The following NLGN4Y variants were observed in gnomAD, a reference collection of about 807,000 sequenced individuals.
The protein encoded by NLGN4Y is neuroligin-4, Y-linked.
NLGN4Y carries 4 observed loss-of-function variants against 8.4 expected under a neutral mutation model. The observed-to-expected ratio is 0.48, with a 90% CI of 0.23 to 1.09. NLGN4Y has a LOEUF of 1.09. Among genes scored for constraint, NLGN4Y ranks in the 50% least tolerant of loss-of-function variants. The pLI is 0.19. For synonymous variants in NLGN4Y, 35 were observed against 75.6 expected, an observed-to-expected ratio of 0.46 and a Z score of 2.78; for missense variants, 90 against 192.3, an observed-to-expected ratio of 0.47 and a Z score of 3.15.
At chrY:14,686,076 A>G (rs2080789531) in intron 2 of NLGN4Y, among the ~76,000 whole-genome samples, 1 of 33,106 alleles carries the variant, frequency 3.0e-5, no homozygotes, top group Admixed American at 2.8e-4. Flanking sequence ...TGGACCTTAT[A>G]GAGATCTTTG....
Position 14,756,426 on chromosome Y carries a change from C to G in NLGN4Y, c.685+33157C>G, listed in dbSNP as rs777092694. Among the ~76,000 whole-genome samples the G allele has an allele frequency of 1.5e-4, 5 of 32,349 alleles. No individual in the cohort carries two copies. In the East Asian group the frequency reaches 4.0e-3, roughly 26 times the overall value. The allele number at this position is 32,349 out of a possible 37,273, so 86.8% of individuals were successfully genotyped here. On this transcript the variant is annotated intron_variant, in intron 4 of 6. Coordinates refer to ENST00000684976, the MANE Select transcript of NLGN4Y (RefSeq NM_001365588.1). ...TCCACTGTTCCTATGGAGAATTTAGCTGTCAGTTTAAAAGTTACATACTTA... is the reference window on the plus strand; with the variant it reads ...TCCACTGTTCCTATGGAGAATTTAGGTGTCAGTTTAAAAGTTACATACTTA...
intron 2 of NLGN4Y, among the ~76,000 whole-genome samples, chrY:14,689,919 G>T: frequency 3.0e-5 from 1 of 33,281 alleles, no homozygotes; most frequent in Non-Finnish European, 7.4e-5. Flanking sequence ...GCCACTGCAT[G>T]CTGGGTGGAG....
At chrY:14,688,891 G>A in intron 2 of NLGN4Y, among the ~76,000 whole-genome samples, 1 of 28,197 alleles carries the variant, frequency 3.5e-5, no homozygotes, top group Admixed American at 3.6e-4. Context: ...CATGGGGATG[G>A]AGTTTTCCCA....
intron 1 of NLGN4Y, among the ~76,000 whole-genome samples, chrY:14,577,617 A>G (rs1421338435): frequency 1.2e-4 from 4 of 34,511 alleles, no homozygotes. Context: ...TAGTTGAATG[A>G]TTTATAATCC....
chrY:14,602,225 A>T, intron 1 of NLGN4Y, among the ~76,000 whole-genome samples: 1 of 34,091 alleles, frequency 2.9e-5, no homozygotes, highest in Non-Finnish European at 7.3e-5. Flanking sequence ...AAATAAAGTC[A>T]TTGAGTAAGA....
intron 1 of NLGN4Y, among the ~76,000 whole-genome samples, chrY:14,576,513 G>C (rs2080299856): frequency 3.0e-5 from 1 of 33,214 alleles, no homozygotes; most frequent in African/African-American, 1.2e-4. Flanking sequence ...CTAGGAAAGG[G>C]AGTTCCCTGA....
chrY:14,770,671 C>A (rs2081104833), intron 4 of NLGN4Y, among the ~76,000 whole-genome samples: 1 of 33,384 alleles, frequency 3.0e-5, no homozygotes, highest in Non-Finnish European at 7.4e-5. Flanking sequence ...AACTTCTCAC[C>A]AGCAAGAGAA....
chrY:14,801,542 CAAAAAA>C (rs746849382), intron 4 of NLGN4Y, among the ~76,000 whole-genome samples: 2 of 5,174 alleles, frequency 3.9e-4, no homozygotes, highest in Admixed American at 2.2e-3. Context: ...TCAGATGAAC[CAAAAAA>C]AAAAAAAAAA....
intron 4 of NLGN4Y, among the ~76,000 whole-genome samples, chrY:14,749,655 G>C: frequency 3.0e-5 from 1 of 33,297 alleles, no homozygotes; most frequent in African/African-American, 1.2e-4. Context: ...TTTAAAGTCT[G>C]TTTAGTGTAA....
At chrY:14,608,834 C>G in intron 1 of NLGN4Y, among the ~76,000 whole-genome samples, 1 of 32,890 alleles carries the variant, frequency 3.0e-5, no homozygotes, top group Non-Finnish European at 7.5e-5. Flanking sequence ...TTGATTCCTC[C>G]TATCCATGAG....
intron 2 of NLGN4Y, among the ~76,000 whole-genome samples, chrY:14,653,266 A>G (rs779528527): frequency 3.3e-4 from 9 of 27,651 alleles, no homozygotes; most frequent in Non-Finnish European, 7.1e-4. Context: ...GTGTGTGTGT[A>G]TATATATATA....
At chrY:14,738,238 A>G in intron 4 of NLGN4Y, among the ~76,000 whole-genome samples, 3 of 33,373 alleles carry the variant, frequency 9.0e-5, no homozygotes, top group Admixed American at 2.8e-4. Flanking sequence ...TACAAAAATA[A>G]CAATAATGAC....
chrY:14,523,472 C>T (rs1569353746), upstream of NLGN4Y: 3 of 113,336 alleles, frequency 2.6e-5, no homozygotes, highest in Admixed American at 3.3e-4. Flanking sequence ...TACACACACA[C>T]ATATATATAT....
rs368867763 is a variant in NLGN4Y at position 14,786,275 on chromosome Y, T to C, written c.686-37913T>C. ...GTATAGGCCGAAGCCTCGTTTTCCA[T>C]ATGGCTGTGATAGATTTTTTAAAAT... is the stretch of plus-strand genomic sequence containing the variant. On this transcript the variant is annotated intron_variant, in intron 4 of 6. Coordinates refer to ENST00000684976, the MANE Select transcript of NLGN4Y (RefSeq NM_001365588.1). 4.5e-3 allele frequency among the ~76,000 whole-genome samples: 153 copies of C among 33,985 alleles called. No individual in the cohort carries two copies. The East Asian group carries it at 0.1, about 22-fold the overall frequency. The allele number at this position is 33,985 out of a possible 37,273, so 91.2% of individuals were successfully genotyped here.
chrY:14,742,233 T>C, intron 4 of NLGN4Y, among the ~76,000 whole-genome samples: 2 of 33,216 alleles, frequency 6.0e-5, no homozygotes, highest in East Asian at 1.6e-3. Flanking sequence ...ACATAACTTA[T>C]ATAGGAGCAA....
rs1603499154 is a variant in NLGN4Y, at chrY:14,543,865, T to G, written c.-112+19157T>G. ...ACACGCACACATGCGCACACACACG[T>G]GCATGCATACACACATGTGTACGCA... On this transcript the variant is annotated intron_variant, in intron 1 of 6. Transcript: ENST00000684976. 8.9e-5 allele frequency among the ~76,000 whole-genome samples: 3 copies of G among 33,580 alleles called. No individual in the cohort carries two copies. In the East Asian group the frequency reaches 2.4e-3, roughly 27 times the overall value. 90.1% of individuals were successfully genotyped at this position (33,580 alleles called of 37,273 possible).
intron 2 of NLGN4Y, among the ~76,000 whole-genome samples, chrY:14,698,080 G>T (rs998624804): frequency 3.0e-4 from 10 of 33,500 alleles, no homozygotes; most frequent in African/African-American, 1.2e-3. Context: ...GGTGCCTAAA[G>T]AATTCATCCT....
At chrY:14,598,501 A>C in intron 1 of NLGN4Y, among the ~76,000 whole-genome samples, 2 of 33,184 alleles carry the variant, frequency 6.0e-5, no homozygotes, top group Admixed American at 2.6e-4. Context: ...GTGCGGGGCC[A>C]GCCAAGCCCA....
chrY:14,674,773 G>A (rs2080742342), intron 2 of NLGN4Y, among the ~76,000 whole-genome samples: 1 of 33,207 alleles, frequency 3.0e-5, no homozygotes, highest in Non-Finnish European at 7.4e-5. Context: ...GTGCCATGTG[G>A]TCATGGAGTC....
Sources: gnomAD v4.1 joint callset for allele counts (sites outside exome capture counted in the v4.1 genomes callset) on GRCh38, gnomAD v4.1.1 for gene constraint, MANE v1.5 for transcripts, NCBI Gene and HGNC (gene_info 2026-07-23, HGNC 2026-07-21) for gene names.